Variants in LYPD5 observed in about 807,000 individuals in gnomAD.
LYPD5 encodes the protein ly6/PLAUR domain-containing protein 5.
In LYPD5, 21 loss-of-function variants were observed where a neutral mutation model predicts 19.1. That is an observed-to-expected ratio of 1.10 (90% CI 0.78 to 1.58). The LOEUF (loss-of-function observed/expected upper bound fraction) is 1.58. LYPD5 is among the 40% of genes most tolerant of loss of function. LYPD5 has a pLI of 0.00. For synonymous variants in LYPD5, 128 were observed against 142.7 expected (o/e 0.90, Z 0.74); for missense variants, 287 against 329.8 (o/e 0.87, Z 1.00).
chr19:43,798,118 T>A (rs1970159816), intron 4 of LYPD5, among the ~76,000 whole-genome samples: 1 of 52,636 alleles, frequency 1.9e-5, no homozygotes, highest in Admixed American at 2.2e-4. Flanking sequence ...CATGGCCTCC[T>A]TCCTCAGAGC....
intron 2 of LYPD5, 58 bp downstream of exon 2, chr19:43,799,648 T>C: frequency 1.3e-6 from 2 of 1,539,086 alleles, no homozygotes; most frequent in Non-Finnish European, 1.8e-6. Flanking sequence ...TCTGCTCCCC[T>C]CTCCCCCCTT....
chr19:43,815,114 G>A (rs940741227), intron 1 of LYPD5, among the ~76,000 whole-genome samples: 4 of 152,180 alleles, frequency 2.6e-5, no homozygotes, highest in African/African-American at 9.7e-5. Flanking sequence ...ATGTGGCTCA[G>A]GGACAGGGAG....
chr19:43,815,019 A>G (rs2146507751), intron 1 of LYPD5, among the ~76,000 whole-genome samples: 2 of 152,264 alleles, frequency 1.3e-5, no homozygotes, highest in South Asian at 4.1e-4. Context: ...ACGGGCTGTA[A>G]TTTTGCTTTT....
At chr19:43,807,503 C>G (rs1383176403) in intron 1 of LYPD5, among the ~76,000 whole-genome samples, 1 of 151,970 alleles carries the variant, frequency 6.6e-6, no homozygotes, top group Non-Finnish European at 1.5e-5. Flanking sequence ...AGGCTGGTCT[C>G]GAACTCCTGA....
At chr19:43,813,557 A>C (rs1970344368) in intron 1 of LYPD5, among the ~76,000 whole-genome samples, 1 of 152,054 alleles carries the variant, frequency 6.6e-6, no homozygotes, top group Non-Finnish European at 1.5e-5. Context: ...CACCATGGCC[A>C]CTCTGTTCAT....
chr19:43,807,405 TGAG>T (rs1470466380), upstream of LYPD5, among the ~76,000 whole-genome samples: 3 of 151,828 alleles, frequency 2.0e-5, no homozygotes, highest in Non-Finnish European at 4.4e-5. Flanking sequence ...CTCAGCCTCC[TGAG>T]TAGTAGCTGA....
chr19:43,812,370 TATCTATCA>T (rs1436594942), intron 1 of LYPD5, among the ~76,000 whole-genome samples: 99 of 141,950 alleles, frequency 7.0e-4, no homozygotes, highest in African/African-American at 2.0e-3. Context: ...TCTATCTATC[TATCTATCA>T]ATCTATCATC....
At chr19:43,799,218 C>T (rs753121567) in intron 2 of LYPD5, among the ~76,000 whole-genome samples, 4 of 151,516 alleles carry the variant, frequency 2.6e-5, no homozygotes, top group Non-Finnish European at 4.4e-5. Flanking sequence ...ATTGTTTCCT[C>T]CCCTCACCGC....
chr19:43,805,140 C>T (rs365785), upstream of LYPD5, among the ~76,000 whole-genome samples: 34,472 of 152,082 alleles, frequency 0.23, 4,759 homozygotes, highest in East Asian at 0.47. Context: ...TCAGTTTCCA[C>T]GCATGGTTCC....
At position 43,797,539 on chromosome 19, in the gene LYPD5, G is replaced by T; in HGVS notation, c.*52C>A. 1.5e-6 allele frequency: 2 copies of T among 1,359,504 alleles called. No homozygotes were observed. The highest frequency in any genetic ancestry group is 1.0e-6 in the Non-Finnish European group (1 of 979,262). The allele number at this position is 1,359,504 out of a possible 1,614,324, so 84.2% of individuals were successfully genotyped here. On this transcript the variant is annotated 3_prime_UTR_variant, in exon 5 of 5. Coordinates refer to ENST00000377950, the MANE Select transcript of LYPD5 (RefSeq NM_001031749.3). ...AGTGAGCTATGTGATAGGGGCTGAA[G>T]CAGCAAGAATGAGGTGTGTGAGCCC...
exon 1 of LYPD5, chr19:43,820,620 C>G (rs1195013210): frequency 6.6e-6 from 1 of 152,334 alleles, no homozygotes; most frequent in Non-Finnish European, 1.5e-5. Context: ...AAACTACACG[C>G]GGAACCCAAG....
chr19:43,798,938 G>A lies in LYPD5; in HGVS notation c.244C>T (p.Pro82Ser). The A allele has an allele frequency of 6.3e-7, 1 of 1,592,210 alleles. No individual in the cohort carries two copies. The highest frequency in any genetic ancestry group is 8.5e-7 in the Non-Finnish European group (1 of 1,170,178). Residue 82 changes from proline to serine, a missense_variant, in exon 3 of 5, where the codon CCT (proline) becomes TCT (serine). By Grantham distance (74) the Pro-to-Ser change is moderately conservative. Transcript: ENST00000377950. ...GCGTTCGATTGCGTCTGGCCCGCAGGAGGCCCGGTCCAGCAGCCCTTCCGC... is the reference window on the plus strand; with the variant it reads ...GCGTTCGATTGCGTCTGGCCCGCAGAAGGCCCGGTCCAGCAGCCCTTCCGC... Reference protein sequence around the residue: ...LVRKGCWTGPPAGQTQSNADA... With the variant: ...LVRKGCWTGPSAGQTQSNADA...
rs554063987 is a variant in LYPD5, at chr19:43,799,064, C to T, written c.194-76G>A. Reference sequence around the variant, plus strand: ...CCAGTCTCAGCGTTCTTCCTCCTCCCTCTATCCTTTCACTTTCACCTACAC... The same window carrying T: ...CCAGTCTCAGCGTTCTTCCTCCTCCTTCTATCCTTTCACTTTCACCTACAC... On this transcript the variant is annotated intron_variant, in intron 2 of 4. Transcript: ENST00000377950. 25 of 1,465,106 alleles carry T rather than the reference C, an allele frequency of 1.7e-5. No homozygotes were observed. In the South Asian group the frequency reaches 3.0e-4, roughly 18 times the overall value. 90.8% of individuals were successfully genotyped at this position (1,465,106 alleles called of 1,614,324 possible). A position where few individuals can be genotyped will look rare whatever the true frequency, so the allele number is the denominator to read the frequency against.
intron 1 of LYPD5, among the ~76,000 whole-genome samples, chr19:43,813,296 G>A (rs75753161): frequency 0.022 from 3,338 of 152,128 alleles, 54 homozygotes; most frequent in African/African-American, 0.045. Context: ...TTGTTAAAAA[G>A]TCTGGGAACT....
intron 1 of LYPD5, among the ~76,000 whole-genome samples, chr19:43,811,632 G>A (rs1970324283): frequency 6.6e-6 from 1 of 151,838 alleles, no homozygotes; most frequent in Non-Finnish European, 1.5e-5. Context: ...GTTGCAGTGA[G>A]CAGAGATCAC....
chr19:43,814,801 T>C (rs940536644), intron 1 of LYPD5, among the ~76,000 whole-genome samples: 1 of 152,184 alleles, frequency 6.6e-6, no homozygotes, highest in Non-Finnish European at 1.5e-5. Context: ...TTTTGTGCCA[T>C]CTAGATCTCT....
Position 43,795,938 on chromosome 19 carries a change from C to T in LYPD5, c.*1653G>A, listed in dbSNP as rs1165274255. On this transcript the variant is annotated 3_prime_UTR_variant, in exon 5 of 5. Coordinates refer to ENST00000377950, the MANE Select transcript of LYPD5 (RefSeq NM_001031749.3). Reference sequence around the variant, plus strand: ...TACCATAGACTGTATGGCTTATACACAACAGAAATTTATGTCTCATAGCTC... The same window carrying T: ...TACCATAGACTGTATGGCTTATACATAACAGAAATTTATGTCTCATAGCTC... 6.6e-6 allele frequency: 1 copy of T among 152,170 alleles called. No homozygotes were observed. The highest frequency in any genetic ancestry group is 1.5e-5 in the Non-Finnish European group (1 of 68,042). 9.4% of individuals were successfully genotyped at this position (152,170 alleles called of 1,614,324 possible). A position where few individuals can be genotyped will look rare whatever the true frequency, so the allele number is the denominator to read the frequency against.
chr19:43,801,051 A>C (rs1175157206), intron 1 of LYPD5, among the ~76,000 whole-genome samples: 2 of 142,102 alleles, frequency 1.4e-5, no homozygotes, highest in South Asian at 2.2e-4. Context: ...AAAAAAAAAA[A>C]ACACATCAAA....
chr19:43,815,653 G>T, intron 1 of LYPD5: 1 of 212,222 alleles, frequency 4.7e-6, no homozygotes, highest in Non-Finnish European at 9.5e-6. Flanking sequence ...ACACTATTCT[G>T]AAGTGTGATT....
Sources: gnomAD v4.1 joint callset for allele counts (sites outside exome capture counted in the v4.1 genomes callset) on GRCh38, gnomAD v4.1.1 for gene constraint, MANE v1.5 for transcripts, NCBI Gene and HGNC (gene_info 2026-07-23, HGNC 2026-07-21) for gene names.